SRFBP1: variants seen among roughly 807,000 people sequenced by gnomAD.
SRFBP1 encodes the protein serum response factor-binding protein 1.
A neutral mutation model predicts 45.5 loss-of-function variants in SRFBP1; 47 were observed. That is an observed-to-expected ratio of 1.03 (90% CI 0.82 to 1.32). The LOEUF is 1.32. Among genes scored for constraint, SRFBP1 ranks in the 40% most tolerant of loss-of-function variants. The pLI is 0.00. For synonymous variants in SRFBP1, 203 were observed against 166.3 expected, an observed-to-expected ratio of 1.22 and a Z score of -1.70; for missense variants, 621 against 484.6, an observed-to-expected ratio of 1.28 and a Z score of -2.64.
At chr5:121,978,988 A>G (rs1752357653) in intron 3 of SRFBP1, among the ~76,000 whole-genome samples, 1 of 152,198 alleles carries the variant, frequency 6.6e-6, no homozygotes, top group African/African-American at 2.4e-5. Flanking sequence ...ATCTATTATT[A>G]AAATCATCCT....
intron 6 of SRFBP1, among the ~76,000 whole-genome samples, chr5:122,021,452 A>G (rs1262567906): frequency 1.3e-5 from 2 of 152,200 alleles, no homozygotes; most frequent in East Asian, 1.9e-4. Flanking sequence ...CTGTTTTTGC[A>G]TATATTTACA....
intron 2 of SRFBP1, among the ~76,000 whole-genome samples, chr5:122,036,550 T>G (rs1753695550): frequency 6.6e-6 from 1 of 152,186 alleles, no homozygotes; most frequent in South Asian, 2.1e-4. Context: ...ACAATGTGAT[T>G]TATGGTGAAC....
At chr5:122,025,925 AC>A (rs1236018746) in intron 7 of SRFBP1, among the ~76,000 whole-genome samples, 1 of 152,100 alleles carries the variant, frequency 6.6e-6, no homozygotes, top group Non-Finnish European at 1.5e-5. Flanking sequence ...ATATGTCTCT[AC>A]TAAAAATACA....
At chr5:122,002,092 T>A (rs998722412) in intron 4 of SRFBP1, among the ~76,000 whole-genome samples, 3 of 152,344 alleles carry the variant, frequency 2.0e-5, no homozygotes, top group Non-Finnish European at 4.4e-5. Flanking sequence ...TTCACTAAAG[T>A]ATGTTAGATA....
chr5:122,076,788 C>G (rs867169424), downstream of SRFBP1: 12 of 946,250 alleles, frequency 1.3e-5, 1 homozygote, highest in Middle Eastern at 2.3e-3. Flanking sequence ...TCTTGTCCCA[C>G]TTCCTAACAC....
chr5:121,999,914 A>G (rs905732926), intron 4 of SRFBP1, among the ~76,000 whole-genome samples: 1 of 152,106 alleles, frequency 6.6e-6, no homozygotes, highest in Non-Finnish European at 1.5e-5. Context: ...TTTAAGTGGT[A>G]TGTTTAAGCC....
At chr5:121,997,713 T>G (rs1000815405) in intron 4 of SRFBP1, among the ~76,000 whole-genome samples, 2 of 151,442 alleles carry the variant, frequency 1.3e-5, no homozygotes, top group Non-Finnish European at 2.9e-5. Context: ...GAAACTACCA[T>G]CAGAGTGAAC....
At chr5:121,997,319 G>A (rs1180706957) in intron 4 of SRFBP1, among the ~76,000 whole-genome samples, 247 of 144,630 alleles carry the variant, frequency 1.7e-3, no homozygotes, top group East Asian at 2.7e-3. Flanking sequence ...AAACAGAGAT[G>A]TAGATCAATG....
At chr5:122,060,927 G>A (rs950440689) in intron 2 of SRFBP1, among the ~76,000 whole-genome samples, 9 of 152,232 alleles carry the variant, frequency 5.9e-5, no homozygotes, top group African/African-American at 2.2e-4. Flanking sequence ...AAACAAACGT[G>A]AAGTGATCAC....
chr5:122,062,231 C>A (rs1382522549), intron 2 of SRFBP1, among the ~76,000 whole-genome samples: 7 of 151,838 alleles, frequency 4.6e-5, no homozygotes. Flanking sequence ...TTTAGGAAAT[C>A]AATATTGTCC....
chr5:122,020,505 A>T lies in SRFBP1; in HGVS notation c.770A>T (p.Glu257Val). ...SDGGEEFCEEEKEYFDDSTEE... is the reference protein window; with the variant it reads ...SDGGEEFCEEVKEYFDDSTEE... Reference sequence around the variant, plus strand: ...GGCGGAGAAGAATTTTGTGAAGAGGAGAAGGAATATTTTGATGATAGCACA... The same window carrying T: ...GGCGGAGAAGAATTTTGTGAAGAGGTGAAGGAATATTTTGATGATAGCACA... The change falls in exon 6 of 8, where the codon GAG becomes GTG. Residue 257 changes from glutamate (E) to valine (V), a missense_variant. By Grantham distance (121) the Glu-to-Val change is moderately radical. Coordinates refer to ENST00000339397, the MANE Select transcript of SRFBP1 (RefSeq NM_152546.3). 1 of 1,614,144 alleles carries T rather than the reference A, an allele frequency of 6.2e-7. No individual in the cohort carries two copies. The highest frequency in any genetic ancestry group is 8.5e-7 in the Non-Finnish European group (1 of 1,179,992).
chr5:121,979,454 G>A (rs1752364321), intron 3 of SRFBP1, among the ~76,000 whole-genome samples: 1 of 152,132 alleles, frequency 6.6e-6, no homozygotes, highest in African/African-American at 2.4e-5. Context: ...AAGTCTGTAA[G>A]TACACTGTAC....
intron 2 of SRFBP1, among the ~76,000 whole-genome samples, chr5:122,049,480 T>G (rs1000011531): frequency 6.6e-6 from 1 of 152,030 alleles, no homozygotes; most frequent in African/African-American, 2.4e-5. Context: ...GACAGAAAGT[T>G]AACAAGGATA....
Position 122,070,048 on chromosome 5 carries a change from C to T in SRFBP1, n.312-5267C>T. 1 of 1,592,682 alleles carries T rather than the reference C, an allele frequency of 6.3e-7. No homozygotes were observed. The highest frequency in any genetic ancestry group is 8.6e-7 in the Non-Finnish European group (1 of 1,160,854). On this transcript the variant is annotated intron_variant and non_coding_transcript_variant, in intron 2 of 2. Transcript: ENST00000504881. ...CAATTACTTAGCTAAGCAAATAACA[C>T]TTACGGTGAAATTGTGCAGCCTGAG...
intron 4 of SRFBP1, among the ~76,000 whole-genome samples, chr5:122,007,971 T>A (rs1466334778): frequency 6.6e-6 from 1 of 151,956 alleles, no homozygotes; most frequent in East Asian, 1.9e-4. Flanking sequence ...ACCACTTCGG[T>A]ACTGGGGTCG....
intron 4 of SRFBP1, among the ~76,000 whole-genome samples, chr5:121,997,082 A>G (rs1179918941): frequency 7.8e-6 from 1 of 128,006 alleles, no homozygotes; most frequent in African/African-American, 3.2e-5. Context: ...GAAAATGGCC[A>G]TACTGCCCAA....
At chr5:121,993,112 C>G (rs755849553) in intron 3 of SRFBP1, among the ~76,000 whole-genome samples, 1 of 152,076 alleles carries the variant, frequency 6.6e-6, no homozygotes, top group Non-Finnish European at 1.5e-5. Context: ...TATACCCAAC[C>G]TGATTAAATT....
intron 7 of SRFBP1, among the ~76,000 whole-genome samples, chr5:122,023,466 G>A (rs1435637408): frequency 1.3e-5 from 2 of 152,108 alleles, no homozygotes; most frequent in Non-Finnish European, 2.9e-5. Context: ...ACCATGTATC[G>A]AGTAGCAGAA....
At chr5:122,054,320 T>G (rs1754039425) in intron 2 of SRFBP1, among the ~76,000 whole-genome samples, 2 of 152,164 alleles carry the variant, frequency 1.3e-5, no homozygotes, top group Admixed American at 1.3e-4. Flanking sequence ...CTCTCACCTT[T>G]CCTGTATTGG....
Sources: allele counts gnomAD v4.1 joint callset (sites outside exome capture counted in the v4.1 genomes callset), GRCh38; gene constraint gnomAD v4.1.1; transcripts MANE v1.5; gene names NCBI Gene and HGNC (gene_info 2026-07-23, HGNC 2026-07-21).